The following DDR2 variants were observed in gnomAD, a reference collection of about 807,000 sequenced individuals.
The protein encoded by DDR2 is discoidin domain receptor tyrosine kinase 2.
DDR2 carries 27 observed loss-of-function variants against 94.9 expected under a neutral mutation model. That is an observed-to-expected ratio of 0.28 (90% confidence interval 0.21 to 0.39). The LOEUF is 0.39. Among genes scored for constraint, DDR2 ranks in the 10% least tolerant of loss-of-function variants. The pLI is 1.00. For missense variants in DDR2, 783 were observed against 1,076.0 expected (o/e 0.73, Z 3.81); for synonymous variants, 382 against 377.2 (o/e 1.01, Z -0.15).
chr1:162,765,465 G>T (rs1663942983), intron 9 of DDR2, among the ~76,000 whole-genome samples: 1 of 152,104 alleles, frequency 6.6e-6, no homozygotes, highest in Non-Finnish European at 1.5e-5. Flanking sequence ...ATACGCTTTT[G>T]TGGTTTAGTC....
chr1:162,654,761 C>T (rs1392804046), intron 1 of DDR2, among the ~76,000 whole-genome samples: 1 of 151,928 alleles, frequency 6.6e-6, no homozygotes, highest in East Asian at 1.9e-4. Context: ...TGGAGTTTTC[C>T]AGAGGCTCAG....
chr1:162,755,273 A>C lies in DDR2; in HGVS notation c.535A>C (p.Arg179=). ...VTDHSMNVCM[R]VELYGCVWLD... ...CGACCACTCCATGAATGTGTGTATG[A>C]GAGTGGAGCTTTACGGCTGTGTCTG... Residue 179 remains arginine (R), a synonymous_variant, in exon 6 of 18, where the codon AGA becomes CGA. Coordinates refer to ENST00000367921, the MANE Select transcript of DDR2 (RefSeq NM_006182.4). 1 of 1,613,966 alleles carries C rather than the reference A, an allele frequency of 6.2e-7. No individual in the cohort carries two copies. Among genetic ancestry groups the C allele is most frequent in the Non-Finnish European group, 8.5e-7 (1 of 1,180,012 alleles).
intron 1 of DDR2, among the ~76,000 whole-genome samples, chr1:162,654,666 G>T (rs762290670): frequency 1.3e-5 from 2 of 152,110 alleles, no homozygotes; most frequent in Non-Finnish European, 2.9e-5. Context: ...GAGTCCTTGA[G>T]ACCCTTTCAG....
chr1:162,675,943 C>T (rs1191924327), intron 2 of DDR2, among the ~76,000 whole-genome samples: 1 of 152,068 alleles, frequency 6.6e-6, no homozygotes, highest in Non-Finnish European at 1.5e-5. Context: ...CCTGGCCTAG[C>T]AGTGTAGACA....
In DDR2 at chr1:162,780,435, A is replaced by C; in HGVS notation, c.*189A>C. The C allele has an allele frequency of 1.5e-6, 1 of 669,978 alleles. No individual in the cohort carries two copies. Among genetic ancestry groups the C allele is most frequent in the Non-Finnish European group, 2.4e-6 (1 of 425,262 alleles). The allele number at this position is 669,978 out of a possible 1,614,324, so 41.5% of individuals were successfully genotyped here. A position where few individuals can be genotyped will look rare whatever the true frequency, so the allele number is the denominator to read the frequency against. On this transcript the variant is annotated 3_prime_UTR_variant, in exon 18 of 18. Coordinates refer to ENST00000367921, the MANE Select transcript of DDR2 (RefSeq NM_006182.4). ...CTCATATACACTTTTTTTTTTTTTT[A>C]CATTAAAGAACTAAAAAAGGAAAAA... is the stretch of plus-strand genomic sequence containing the variant.
chr1:162,753,641 A>G (rs1352798253), intron 4 of DDR2, among the ~76,000 whole-genome samples: 1 of 152,106 alleles, frequency 6.6e-6, no homozygotes, highest in African/African-American at 2.4e-5. Flanking sequence ...GCCAAGCATC[A>G]AGACACTGAG....
rs958262699 is a variant in DDR2 at position 162,644,553 on chromosome 1, G to C, written c.-191-10658G>C. ...CTTTCTTCTGAATACATGAGGGTTAGATGAAAGTGGTGACAAACGATTGAG... is the reference window on the plus strand; with the variant it reads ...CTTTCTTCTGAATACATGAGGGTTACATGAAAGTGGTGACAAACGATTGAG... On this transcript the variant is annotated intron_variant, in intron 1 of 17. Coordinates refer to ENST00000367921, the MANE Select transcript of DDR2 (RefSeq NM_006182.4). Among the ~76,000 whole-genome samples, 9 of 151,974 alleles carry C rather than the reference G, an allele frequency of 5.9e-5. 1 individual carries two copies. The highest frequency in any genetic ancestry group is 2.1e-4 in the South Asian group (1 of 4,824).
chr1:162,694,348 C>T (rs192268500), intron 2 of DDR2, among the ~76,000 whole-genome samples: 10 of 152,264 alleles, frequency 6.6e-5, no homozygotes, highest in Non-Finnish European at 1.0e-4. Flanking sequence ...CACACCAAGG[C>T]GATTCCATGT....
At chr1:162,721,247 A>G (rs1661407279) in intron 3 of DDR2, among the ~76,000 whole-genome samples, 2 of 152,346 alleles carry the variant, frequency 1.3e-5, no homozygotes, top group South Asian at 4.1e-4. Context: ...TCTGTGTTAG[A>G]GTCCACACTG....
intron 9 of DDR2, 143 bp from the exon 10 acceptor site, chr1:162,765,858 G>A (rs1380357036): frequency 1.9e-5 from 15 of 781,186 alleles, no homozygotes; most frequent in East Asian, 5.2e-5. Context: ...TTTATTCAAC[G>A]TATTTATGAT....
chr1:162,728,558 A>C (rs966466091), intron 3 of DDR2, among the ~76,000 whole-genome samples: 1 of 152,168 alleles, frequency 6.6e-6, no homozygotes, highest in Admixed American at 6.5e-5. Context: ...TTTTATGATC[A>C]AAGGCCTTGT....
At chr1:162,714,401 T>C (rs1661058177) in intron 2 of DDR2, among the ~76,000 whole-genome samples, 1 of 152,174 alleles carries the variant, frequency 6.6e-6, no homozygotes, top group Non-Finnish European at 1.5e-5. Flanking sequence ...ATTCTTATGG[T>C]TCCATCTTTA....
intron 2 of DDR2, among the ~76,000 whole-genome samples, chr1:162,718,391 G>A (rs1661265242): frequency 6.6e-6 from 1 of 152,174 alleles, no homozygotes; most frequent in Non-Finnish European, 1.5e-5. Flanking sequence ...GGCCTTTTCA[G>A]CGGATGGAAC....
chr1:162,744,953 C>T (rs918424501), intron 3 of DDR2, among the ~76,000 whole-genome samples: 5 of 152,186 alleles, frequency 3.3e-5, no homozygotes, highest in Non-Finnish European at 7.3e-5. Context: ...TACATTCCCA[C>T]TAACAGTTTA....
intron 3 of DDR2, among the ~76,000 whole-genome samples, chr1:162,740,119 GAAAT>G: frequency 6.6e-6 from 1 of 152,054 alleles, no homozygotes; most frequent in Non-Finnish European, 1.5e-5. Context: ...TATGCACTGA[GAAAT>G]AAAAATGAAT....
At chr1:162,652,545 G>C (rs1657752201) in intron 1 of DDR2, among the ~76,000 whole-genome samples, 1 of 152,168 alleles carries the variant, frequency 6.6e-6, no homozygotes, top group African/African-American at 2.4e-5. Flanking sequence ...GGGGTTCCCT[G>C]AAAAGCCAGC....
chr1:162,720,563 AT>A (rs1661376216), intron 3 of DDR2, among the ~76,000 whole-genome samples: 1 of 150,030 alleles, frequency 6.7e-6, no homozygotes, highest in South Asian at 2.2e-4. Flanking sequence ...GTAGATGGGA[AT>A]TTGAATAATT....
chr1:162,731,699 A>G (rs551635497), intron 3 of DDR2, among the ~76,000 whole-genome samples: 21 of 152,324 alleles, frequency 1.4e-4, no homozygotes, highest in African/African-American at 4.8e-4. Flanking sequence ...TTCTCCTCTT[A>G]GATATCATTT....
chr1:162,761,559 T>C, intron 9 of DDR2, 105 bp downstream of exon 9: 1 of 1,556,266 alleles, frequency 6.4e-7, no homozygotes, highest in Admixed American at 1.7e-5. Context: ...AGTGGGATTG[T>C]ACAGGCAGCT....
Sources: gnomAD v4.1 joint callset for allele counts (sites outside exome capture counted in the v4.1 genomes callset) on GRCh38, gnomAD v4.1.1 for gene constraint, MANE v1.5 for transcripts, NCBI Gene and HGNC (gene_info 2026-07-23, HGNC 2026-07-21) for gene names.